The following PRKG1 variants were observed in gnomAD, a reference collection of about 807,000 sequenced individuals.
The protein encoded by PRKG1 is cGMP-dependent protein kinase 1.
In PRKG1, 35 loss-of-function variants were observed where a neutral mutation model predicts 88.1. That is an observed-to-expected ratio of 0.40 (90% CI 0.30 to 0.53). The LOEUF is 0.53. Ranked by LOEUF, PRKG1 falls within the 20% of genes least tolerant of loss-of-function variation. The pLI is 0.59. For missense variants in PRKG1, 540 were observed against 839.8 expected, an observed-to-expected ratio of 0.64 and a Z score of 4.41; for synonymous variants, 303 against 292.5, an observed-to-expected ratio of 1.04 and a Z score of -0.37.
intron 8 of PRKG1, among the ~76,000 whole-genome samples, chr10:52,145,046 G>T (rs933238519): frequency 6.6e-6 from 1 of 152,166 alleles, no homozygotes; most frequent in African/African-American, 2.4e-5. Context: ...GCAAGCTCAG[G>T]CTGCCTAAGT....
At chr10:51,669,977 T>C (rs1840517435) in intron 3 of PRKG1, among the ~76,000 whole-genome samples, 1 of 152,236 alleles carries the variant, frequency 6.6e-6, no homozygotes, top group Non-Finnish European at 1.5e-5. Context: ...ATAAAAATTA[T>C]GGCTTTATGA....
intron 1 of PRKG1, among the ~76,000 whole-genome samples, chr10:50,993,954 C>G (rs1364233544): frequency 6.6e-6 from 1 of 152,226 alleles, no homozygotes; most frequent in African/African-American, 2.4e-5. Context: ...TAGGAACATT[C>G]ATCATGAGTG....
At chr10:51,644,259 T>G (rs1456866385) in intron 3 of PRKG1, among the ~76,000 whole-genome samples, 1 of 152,222 alleles carries the variant, frequency 6.6e-6, no homozygotes. Flanking sequence ...ATCAAGATTC[T>G]GTTTTGTGTT....
chr10:51,934,404 AC>A (rs1222991167), intron 5 of PRKG1, among the ~76,000 whole-genome samples: 1 of 152,186 alleles, frequency 6.6e-6, no homozygotes, highest in Non-Finnish European at 1.5e-5. Context: ...TTTGTTCTTA[AC>A]ATTTTAGCTT....
At position 51,566,926 on chromosome 10, in the gene PRKG1, A is replaced by AT. The variant is rs542770826; in HGVS notation, c.592+99091dup. On this transcript the variant is annotated intron_variant, in intron 3 of 17. Transcript: ENST00000373980. ...TCAATATATAGACACATACACACAC[A>AT]TAAAAAAAAAAGAGAGAGAGAGAAA... is the stretch of plus-strand genomic sequence containing the variant. 1.8e-3 allele frequency among the ~76,000 whole-genome samples: 266 copies of AT among 148,186 alleles called. 1 individual carries two copies. Among genetic ancestry groups the AT allele is most frequent in the African/African-American group, 6.8e-3 (257 of 37,742 alleles).
chr10:51,792,414 C>T (rs1017673678), intron 3 of PRKG1, among the ~76,000 whole-genome samples: 1 of 152,074 alleles, frequency 6.6e-6, no homozygotes, highest in Non-Finnish European at 1.5e-5. Flanking sequence ...TTTATTCTTT[C>T]CGCTTCTTCC....
intron 4 of PRKG1, among the ~76,000 whole-genome samples, chr10:51,896,645 TA>T (rs10649150): frequency 0.18 from 16,938 of 94,750 alleles, 851 homozygotes; most frequent in Admixed American, 0.25. Flanking sequence ...CCCTGTCTCT[TA>T]AAAAAAAAAA....
chr10:51,185,313 T>G (rs1837458498), intron 2 of PRKG1, among the ~76,000 whole-genome samples: 1 of 152,122 alleles, frequency 6.6e-6, no homozygotes, highest in South Asian at 2.1e-4. Context: ...TTATAATTAT[T>G]TTCAGTTTAG....
chr10:51,692,794 C>T (rs139337663), intron 3 of PRKG1, among the ~76,000 whole-genome samples: 4 of 152,210 alleles, frequency 2.6e-5, no homozygotes, highest in African/African-American at 9.6e-5. Context: ...AAATGACCAA[C>T]CTTTGTAATA....
Position 52,193,548 on chromosome 10 carries a change from C to CAAAAAAA in PRKG1, c.1076+31593_1076+31599dup, listed in dbSNP as rs34730000. Among the ~76,000 whole-genome samples the CAAAAAAA allele has an allele frequency of 1.1e-3, 45 of 42,828 alleles. 2 individuals carry two copies. Among genetic ancestry groups the CAAAAAAA allele is most frequent in the African/African-American group, 3.3e-3 (44 of 13,538 alleles). 28.1% of individuals were successfully genotyped at this position (42,828 alleles called of 152,430 possible). On this transcript the variant is annotated intron_variant, in intron 9 of 17. Coordinates refer to ENST00000373980, the MANE Select transcript of PRKG1 (RefSeq NM_006258.4). ...GAACAAAAAGAGTGAGACTCTGTCT[C>CAAAAAAA]AAAAAAAAAAAAAACAAAAAAAAAA...
At chr10:51,552,166 A>C (rs1837155608) in intron 3 of PRKG1, among the ~76,000 whole-genome samples, 1 of 151,712 alleles carries the variant, frequency 6.6e-6, no homozygotes. Flanking sequence ...AACATGTATT[A>C]TATAAACACT....
chr10:51,965,986 G>T (rs1173156023), intron 5 of PRKG1, among the ~76,000 whole-genome samples: 1 of 152,052 alleles, frequency 6.6e-6, no homozygotes, highest in East Asian at 1.9e-4. Context: ...ATTAGAAAGA[G>T]ATATAAACAT....
intron 2 of PRKG1, among the ~76,000 whole-genome samples, chr10:51,249,756 T>C (rs912827256): frequency 1.3e-5 from 2 of 151,810 alleles, no homozygotes; most frequent in African/African-American, 4.8e-5. Flanking sequence ...ATCTACTATG[T>C]GTGAGGCACT....
At chr10:52,029,762 A>G (rs1322310257) in intron 5 of PRKG1, among the ~76,000 whole-genome samples, 2 of 152,272 alleles carry the variant, frequency 1.3e-5, no homozygotes, top group Middle Eastern at 3.4e-3. Flanking sequence ...TAATGGGCAA[A>G]GTTAGAAGCT....
At chr10:52,048,385 G>T (rs1000572093) in intron 5 of PRKG1, among the ~76,000 whole-genome samples, 1 of 152,078 alleles carries the variant, frequency 6.6e-6, no homozygotes, top group African/African-American at 2.4e-5. Context: ...TATTAACTGA[G>T]ATTCAATGAG....
At chr10:52,159,171 A>G (rs1838210751) in intron 8 of PRKG1, among the ~76,000 whole-genome samples, 1 of 151,560 alleles carries the variant, frequency 6.6e-6, no homozygotes, top group Admixed American at 6.6e-5. Context: ...ATAATCAAAA[A>G]TCAATTACAT....
chr10:51,833,712 T>A (rs941313160), intron 4 of PRKG1, among the ~76,000 whole-genome samples: 3 of 152,098 alleles, frequency 2.0e-5, no homozygotes, highest in Non-Finnish European at 4.4e-5. Context: ...CATTAAAAAT[T>A]AACTCTTTTA....
chr10:51,291,655 G>C lies in PRKG1; in HGVS notation c.478+138325G>C, dbSNP rs1455375781. Among the ~76,000 whole-genome samples, 4 of 152,142 alleles carry C rather than the reference G, an allele frequency of 2.6e-5. No individual in the cohort carries two copies. The East Asian group carries it at 7.7e-4, about 29-fold the overall frequency. On this transcript the variant is annotated intron_variant, in intron 2 of 17. Transcript: ENST00000373980. ...AAGCCGCAAAACTTAAGAGGAATGG[G>C]TGCCCCCCTTAAAAGAAAGAGTGTT...
At chr10:51,697,258 C>G (rs1396759877) in intron 3 of PRKG1, 1 of 158,394 alleles carries the variant, frequency 6.3e-6, no homozygotes, top group Non-Finnish European at 1.4e-5. Context: ...GTATCTTATA[C>G]TTTTGGGTAA....
Sources: allele counts gnomAD v4.1 joint callset (sites outside exome capture counted in the v4.1 genomes callset), GRCh38; gene constraint gnomAD v4.1.1; transcripts MANE v1.5; gene names NCBI Gene and HGNC (gene_info 2026-07-23, HGNC 2026-07-21).